CSF1: variants seen among roughly 807,000 people sequenced by gnomAD.
The protein encoded by CSF1 is colony stimulating factor 1.
CSF1 carries 9 observed loss-of-function variants against 48.9 expected under a neutral mutation model. That is an observed-to-expected ratio of 0.18 (90% CI 0.11 to 0.32). The LOEUF (loss-of-function observed/expected upper bound fraction) is 0.32, where lower values mean the gene tolerates loss of function less well. Ranked by LOEUF, CSF1 falls within the 10% of genes least tolerant of loss-of-function variation. The pLI is 1.00. For missense variants in CSF1, 672 were observed against 697.9 expected, an observed-to-expected ratio of 0.96 and a Z score of 0.42; for synonymous variants, 305 against 284.1, an observed-to-expected ratio of 1.07 and a Z score of -0.74.
At chr1:109,928,057 A>G (rs1647914617) in intron 8 of CSF1, among the ~76,000 whole-genome samples, 1 of 152,208 alleles carries the variant, frequency 6.6e-6, no homozygotes, top group South Asian at 2.1e-4. Flanking sequence ...AGTAGGGCCT[A>G]TGGATGTTAG....
Position 109,923,774 on chromosome 1 carries a change from C to A in CSF1, c.1153C>A (p.Gln385Lys). The part of the protein sequence containing the change: ...PTGQDWNHTP[Q>K]KTDHPSALLR... ...TGGCCAGGACTGGAATCACACCCCC[C>A]AGAAGACAGACCATCCATCTGCCCT... Residue 385 changes from glutamine (Q) to lysine (K), a missense_variant, in exon 6 of 9, where the codon CAG (glutamine) becomes AAG (lysine). Physicochemically the swap from Gln to Lys is moderately conservative, Grantham distance 53. Coordinates refer to ENST00000329608, the MANE Select transcript of CSF1 (RefSeq NM_000757.6). 6.2e-7 allele frequency: 1 copy of A among 1,608,346 alleles called. No homozygotes were observed. The highest frequency in any genetic ancestry group is 8.5e-7 in the Non-Finnish European group (1 of 1,177,168).
chr1:109,914,468 G>T, intron 2 of CSF1, 87 bp downstream of exon 2: 9 of 1,465,592 alleles, frequency 6.1e-6, no homozygotes, highest in Non-Finnish European at 8.2e-6. Context: ...GAGAGCAGTT[G>T]CAGGCAGGAA....
At chr1:109,914,955 G>C (rs370813612) in intron 2 of CSF1, among the ~76,000 whole-genome samples, 1 of 152,180 alleles carries the variant, frequency 6.6e-6, no homozygotes, top group Non-Finnish European at 1.5e-5. Context: ...AGACCCATAC[G>C]TGGTCCAGCC....
Position 109,925,207 on chromosome 1 carries a change from G to A in CSF1, c.*13+5G>A. 1.9e-6 allele frequency: 3 copies of A among 1,613,362 alleles called. No homozygotes were observed. The highest frequency in any genetic ancestry group is 2.5e-6 in the Non-Finnish European group (3 of 1,179,414). ...CAGTGTAGAGGGAATTCTAAGGTAA[G>A]ATTCTGACTTTGATCTCCACTCCTA... On this transcript the variant is annotated splice_donor_5th_base_variant and intron_variant, in intron 8 of 8. Transcript: ENST00000329608.
chr1:109,913,602 G>A lies in CSF1; in HGVS notation c.40-657G>A, dbSNP rs1219462790. 8.5e-5 allele frequency among the ~76,000 whole-genome samples: 13 copies of A among 152,246 alleles called. 1 individual carries two copies. The highest frequency in any genetic ancestry group is 1.5e-5 in the Non-Finnish European group (1 of 68,050). ...AAGCCTGATGGTGCTCAAATAGGCAGGTGCCAGGCAAGGGATGGCCCATTA... is the reference window on the plus strand; with the variant it reads ...AAGCCTGATGGTGCTCAAATAGGCAAGTGCCAGGCAAGGGATGGCCCATTA... On this transcript the variant is annotated intron_variant, in intron 1 of 8. Transcript: ENST00000329608.
intron 4 of CSF1, 136 bp downstream of exon 4, chr1:109,917,599 T>C (rs1647290456): frequency 1.1e-6 from 1 of 908,126 alleles, no homozygotes; most frequent in Admixed American, 2.3e-5. Context: ...TTATTTGTCA[T>C]CCCACCAACC....
intron 4 of CSF1, among the ~76,000 whole-genome samples, chr1:109,919,823 G>A (rs1215263933): frequency 5.3e-5 from 8 of 151,988 alleles, no homozygotes; most frequent in Non-Finnish European, 8.8e-5. Context: ...GCAGCTGGTG[G>A]TGGCGCATGC....
At chr1:109,912,496 C>G (rs1654730180) in intron 1 of CSF1, among the ~76,000 whole-genome samples, 1 of 152,284 alleles carries the variant, frequency 6.6e-6, no homozygotes, top group South Asian at 2.1e-4. Flanking sequence ...CTGTCCAGAT[C>G]CTCCTGAGGC....
At chr1:109,916,632 T>G (rs1307737212) in intron 3 of CSF1, among the ~76,000 whole-genome samples, 1 of 152,216 alleles carries the variant, frequency 6.6e-6, no homozygotes, top group African/African-American at 2.4e-5. Context: ...AAGTTGCCCC[T>G]GTTTCTGAGC....
intron 3 of CSF1, 27 bp from the exon 4 acceptor site, chr1:109,917,266 C>T: frequency 6.2e-7 from 1 of 1,608,574 alleles, no homozygotes; most frequent in African/African-American, 1.3e-5. Flanking sequence ...ATGGCCAGGC[C>T]ATAAGCTCCA....
At chr1:109,918,234 G>T (rs1647344364) in intron 4 of CSF1, among the ~76,000 whole-genome samples, 1 of 152,212 alleles carries the variant, frequency 6.6e-6, no homozygotes, top group Non-Finnish European at 1.5e-5. Flanking sequence ...ACAGGAAAGT[G>T]CACATTCAGG....
chr1:109,926,405 T>A (rs1258237415), intron 8 of CSF1: 1 of 152,272 alleles, frequency 6.6e-6, no homozygotes, highest in African/African-American at 2.4e-5. Flanking sequence ...TCACCTTTGT[T>A]AAAGCCACCT....
In CSF1 at chr1:109,917,337, A is replaced by G; in HGVS notation, c.270A>G (p.Gln90=). 6.2e-7 allele frequency: 1 copy of G among 1,614,230 alleles called. No homozygotes were observed. The highest frequency in any genetic ancestry group is 8.5e-7 in the Non-Finnish European group (1 of 1,180,042). Residue 90 remains glutamine, a synonymous_variant, in exon 4 of 9, where the codon CAA becomes CAG. Coordinates refer to ENST00000329608, the MANE Select transcript of CSF1 (RefSeq NM_000757.6). ...CYLKKAFLLV[Q]DIMEDTMRFR... ...TTAAGAAGGCATTTCTCCTGGTACA[A>G]GACATAATGGAGGACACCATGCGCT...
At chr1:109,917,223 C>T (rs1319735449) in intron 3 of CSF1, 70 bp from the exon 4 acceptor site, 41 of 1,527,768 alleles carry the variant, frequency 2.7e-5, no homozygotes, top group Non-Finnish European at 3.6e-5. Context: ...TGCAACCCTC[C>T]ATCTGCCTGG....
At chr1:109,911,138 C>T in intron 1 of CSF1, 76 bp downstream of exon 1, 3 of 920,562 alleles carry the variant, frequency 3.3e-6, no homozygotes, top group South Asian at 9.7e-5. Flanking sequence ...GGGAGCGGCC[C>T]CTCGGAGCCG....
chr1:109,917,351 A>G lies in CSF1; in HGVS notation c.284A>G (p.Asp95Gly), dbSNP rs756366521. Residue 95 changes from aspartate (D) to glycine (G), a missense_variant, in exon 4 of 9, where the codon GAC becomes GGC. By Grantham distance (94) the Asp-to-Gly change is moderately conservative. Coordinates refer to ENST00000329608, the MANE Select transcript of CSF1 (RefSeq NM_000757.6). The part of the protein sequence containing the change: ...AFLLVQDIME[D>G]TMRFRDNTPN... ...CTCCTGGTACAAGACATAATGGAGG[A>G]CACCATGCGCTTCAGAGATAACACC... 1.9e-6 allele frequency: 3 copies of G among 1,614,204 alleles called. No homozygotes were observed. Among genetic ancestry groups the G allele is most frequent in the Non-Finnish European group, 2.5e-6 (3 of 1,180,036 alleles).
At chr1:109,912,639 T>C (rs1011204732) in intron 1 of CSF1, among the ~76,000 whole-genome samples, 1 of 152,194 alleles carries the variant, frequency 6.6e-6, no homozygotes, top group Non-Finnish European at 1.5e-5. Context: ...GGGTTAAGCA[T>C]TGCTCCCACC....
At chr1:109,914,128 T>A (rs1654796886) in intron 1 of CSF1, 131 bp from the exon 2 acceptor site, 1 of 978,382 alleles carries the variant, frequency 1.0e-6, no homozygotes, top group Non-Finnish European at 1.4e-6. Context: ...TGAGGGATGC[T>A]GTATCCTGAG....
chr1:109,917,300 C>T lies in CSF1; in HGVS notation c.233C>T (p.Pro78Leu). ...EFVDQEQLKD[P>L]VCYLKKAFLL... ...CAGGTTCCTGTTTTTCAGAAAGATC[C>T]AGTGTGCTACCTTAAGAAGGCATTT... Residue 78 changes from proline (P) to leucine (L), a missense_variant, in exon 4 of 9, where the codon CCA becomes CTA. By Grantham distance (98) the Pro-to-Leu change is moderately conservative. Coordinates refer to ENST00000329608, the MANE Select transcript of CSF1 (RefSeq NM_000757.6). 6.2e-7 allele frequency: 1 copy of T among 1,613,830 alleles called. No homozygotes were observed. Among genetic ancestry groups the T allele is most frequent in the East Asian group, 2.2e-5 (1 of 44,876 alleles).
Sources: allele counts gnomAD v4.1 joint callset (sites outside exome capture counted in the v4.1 genomes callset), GRCh38; gene constraint gnomAD v4.1.1; transcripts MANE v1.5; gene names NCBI Gene and HGNC (gene_info 2026-07-23, HGNC 2026-07-21).